Variants in TJP2 observed in about 807,000 individuals in gnomAD.
TJP2 encodes Friedreich ataxia region gene X104 (tight junction protein ZO-2).
A neutral mutation model predicts 133.1 loss-of-function variants in TJP2; 91 were observed. That is an observed-to-expected ratio of 0.68 (90% CI 0.58 to 0.81). The LOEUF is 0.81. Among genes scored for constraint, TJP2 ranks in the 40% least tolerant of loss-of-function variants. TJP2 has a pLI of 0.00. For missense variants in TJP2, 1,541 were observed against 1,565.6 expected, an observed-to-expected ratio of 0.98 and a Z score of 0.26; for synonymous variants, 592 against 583.4, an observed-to-expected ratio of 1.01 and a Z score of -0.21.
intron 19 of TJP2, chr9:69,248,648 T>C (rs1831102742): frequency 9.4e-7 from 1 of 1,066,380 alleles, no homozygotes; most frequent in Non-Finnish European, 1.1e-6. Context: ...GCCAAAGCTC[T>C]TGAGTGTTTC....
chr9:69,239,124 G>T (rs1396702315), intron 16 of TJP2, among the ~76,000 whole-genome samples: 1 of 152,224 alleles, frequency 6.6e-6, no homozygotes, highest in Non-Finnish European at 1.5e-5. Context: ...AGGAGGCGGA[G>T]TTTGCAGTGA....
intron 1 of TJP2, among the ~76,000 whole-genome samples, chr9:69,130,627 C>T (rs111709156): frequency 2.8e-3 from 422 of 152,126 alleles, no homozygotes; most frequent in African/African-American, 8.7e-3. Flanking sequence ...ACTTGCATGA[C>T]GGAAGGGGCC....
chr9:69,211,637 G>C (rs568570227), intron 1 of TJP2, among the ~76,000 whole-genome samples: 1 of 152,324 alleles, frequency 6.6e-6, no homozygotes, highest in African/African-American at 2.4e-5. Flanking sequence ...GTTTGGCAGG[G>C]TGTGGTCACG....
chr9:69,142,029 T>A (rs1330824934), intron 1 of TJP2, among the ~76,000 whole-genome samples: 2 of 152,186 alleles, frequency 1.3e-5, no homozygotes, highest in East Asian at 3.8e-4. Flanking sequence ...ACCAAGTCTT[T>A]CCCCTGTGTC....
At chr9:69,193,454 T>C (rs1166014574) in intron 1 of TJP2, among the ~76,000 whole-genome samples, 1 of 151,060 alleles carries the variant, frequency 6.6e-6, no homozygotes. Context: ...CTGCCAGTAA[T>C]TTTTGTTTCT....
At position 69,225,338 on chromosome 9, in the gene TJP2, A is replaced by G. The variant is rs1444278761; in HGVS notation, c.987A>G (p.Val329=). 6.2e-7 allele frequency: 1 copy of G among 1,613,848 alleles called. No homozygotes were observed. The highest frequency in any genetic ancestry group is 1.3e-5 in the African/African-American group (1 of 75,024). ...YGLRLGSQIF[V]KEMTRTGLAT... ...TCCGGCTTGGGAGTCAGATCTTCGT[A>G]AAGGAAATGACCCGAACGGGTCTGG... The change falls in exon 6 of 23, where the codon GTA becomes GTG. Residue 329 remains valine (V), a synonymous_variant. Coordinates refer to ENST00000377245, the MANE Select transcript of TJP2 (RefSeq NM_004817.4).
chr9:69,175,366 T>A (rs1036510338), intron 1 of TJP2, among the ~76,000 whole-genome samples: 1 of 152,226 alleles, frequency 6.6e-6, no homozygotes, highest in African/African-American at 2.4e-5. Flanking sequence ...GAGGTCGTTT[T>A]CTTCAGCTCC....
chr9:69,207,689 C>CAG lies in TJP2; in HGVS notation c.61-4852_61-4851dup, dbSNP rs1256299493. ...TGCTAAGCAGCTACCTGCTGTCATT[C>CAG]AGAGAGAGGTCAGATATTGCTAGCA... On this transcript the variant is annotated intron_variant, in intron 1 of 22. Transcript: ENST00000377245. 2.6e-5 allele frequency among the ~76,000 whole-genome samples: 4 copies of CAG among 152,288 alleles called. No homozygotes were observed. In the East Asian group the frequency reaches 7.7e-4, roughly 29 times the overall value.
At chr9:69,135,445 G>GTTGTTGT (rs1281173046) in intron 1 of TJP2, among the ~76,000 whole-genome samples, 1 of 151,940 alleles carries the variant, frequency 6.6e-6, no homozygotes, top group African/African-American at 2.4e-5. Context: ...TGTTGTTGTT[G>GTTGTTGT]TTGTTTGTTT....
chr9:69,152,407 G>C (rs1385527311), intron 2 of TJP2, among the ~76,000 whole-genome samples: 3 of 152,148 alleles, frequency 2.0e-5, no homozygotes, highest in African/African-American at 7.2e-5. Flanking sequence ...CTGGAATGGG[G>C]TTGTAATTTT....
At chr9:69,215,995 G>T (rs1828345107) in intron 2 of TJP2, among the ~76,000 whole-genome samples, 1 of 152,210 alleles carries the variant, frequency 6.6e-6, no homozygotes, top group African/African-American at 2.4e-5. Flanking sequence ...GCTCGGGCCA[G>T]CATGATGCAA....
intron 2 of TJP2, among the ~76,000 whole-genome samples, chr9:69,168,298 C>A (rs1824468272): frequency 6.6e-6 from 1 of 152,014 alleles, no homozygotes; most frequent in South Asian, 2.1e-4. Context: ...ATTTCTAGAA[C>A]CATCATGTAT....
chr9:69,178,093 C>T (rs1220261662), intron 1 of TJP2, among the ~76,000 whole-genome samples: 1 of 152,030 alleles, frequency 6.6e-6, no homozygotes, highest in Non-Finnish European at 1.5e-5. Context: ...AAAGCTTCAT[C>T]ATCCTAGATA....
At chr9:69,233,172 TAACTC>T (rs1829917092) in intron 11 of TJP2, among the ~76,000 whole-genome samples, 1 of 152,200 alleles carries the variant, frequency 6.6e-6, no homozygotes, top group South Asian at 2.1e-4. Context: ...AAGGAAAAAT[TAACTC>T]AATTGCTTTA....
intron 12 of TJP2, among the ~76,000 whole-genome samples, 166 bp downstream of exon 12, chr9:69,234,713 G>T (rs988802544): frequency 6.6e-6 from 1 of 152,038 alleles, no homozygotes; most frequent in African/African-American, 2.4e-5. Context: ...TGTGAGTGCC[G>T]TTTAACTTTC....
chr9:69,141,259 C>T (rs567695227), intron 1 of TJP2, among the ~76,000 whole-genome samples: 3 of 152,312 alleles, frequency 2.0e-5, no homozygotes, highest in African/African-American at 7.2e-5. Context: ...TTAATGTTGG[C>T]TTGAACTATT....
At chr9:69,217,901 C>G (rs1471740281) in intron 3 of TJP2, among the ~76,000 whole-genome samples, 1 of 152,120 alleles carries the variant, frequency 6.6e-6, no homozygotes, top group African/African-American at 2.4e-5. Context: ...TGTTTTTAGA[C>G]TTTTCTGAAG....
At chr9:69,207,893 G>A (rs1197193485) in intron 1 of TJP2, among the ~76,000 whole-genome samples, 1 of 152,186 alleles carries the variant, frequency 6.6e-6, no homozygotes, top group East Asian at 1.9e-4. Flanking sequence ...GGTGCTCTGT[G>A]TTTCTGAAAA....
chr9:69,154,204 A>G (rs989210186), intron 2 of TJP2, among the ~76,000 whole-genome samples: 1 of 152,212 alleles, frequency 6.6e-6, no homozygotes, highest in Non-Finnish European at 1.5e-5. Context: ...TCCTTAACTC[A>G]GACGAGTAAA....
Sources: gnomAD v4.1 joint callset for allele counts (sites outside exome capture counted in the v4.1 genomes callset) on GRCh38, gnomAD v4.1.1 for gene constraint, MANE v1.5 for transcripts, NCBI Gene and HGNC (gene_info 2026-07-23, HGNC 2026-07-21) for gene names.